REXO1: variants seen among roughly 807,000 people sequenced by gnomAD.
REXO1 encodes the protein REX1, RNA exonuclease 1 homolog.
Under a neutral mutation model 102.6 loss-of-function variants are expected in REXO1, and 42 were observed. The observed-to-expected ratio is 0.41, with a 90% CI of 0.32 to 0.53. The LOEUF (loss-of-function observed/expected upper bound fraction) is 0.53. Among genes scored for constraint, REXO1 ranks in the 20% least tolerant of loss-of-function variants. The probability of loss-of-function intolerance (pLI) is 0.27; values close to 1 mark genes in which losing one functional copy is unlikely to be tolerated. For synonymous variants in REXO1, 908 were observed against 779.1 expected, an observed-to-expected ratio of 1.17 and a Z score of -2.76; for missense variants, 1,819 against 1,732.5, an observed-to-expected ratio of 1.05 and a Z score of -0.89.
intron 8 of REXO1, 26 bp downstream of exon 8, chr19:1,818,992 G>C: frequency 6.3e-7 from 1 of 1,586,512 alleles, no homozygotes; most frequent in African/African-American, 1.3e-5. Context: ...GAAGCACCGT[G>C]TGGCAGAGCA....
At chr19:1,839,550 T>C (rs943406682) in intron 1 of REXO1, among the ~76,000 whole-genome samples, 1 of 152,224 alleles carries the variant, frequency 6.6e-6, no homozygotes, top group African/African-American at 2.4e-5. Context: ...GCACAAGCTG[T>C]TTTTGTTACT....
rs145032743 is a variant in REXO1, at chr19:1,816,384, C to T, written c.3457-39G>A. The T allele has an allele frequency of 1.4e-4, 219 of 1,597,634 alleles. No individual in the cohort carries two copies. The African/African-American group carries it at 2.2e-3, about 16-fold the overall frequency. Reference sequence around the variant, plus strand: ...CAGAGATCAGCGCACGTGGGGCCTGCGCAGGTCCTGCTGGAGAACCGCGCG... The same window carrying T: ...CAGAGATCAGCGCACGTGGGGCCTGTGCAGGTCCTGCTGGAGAACCGCGCG... On this transcript the variant is annotated intron_variant, in intron 14 of 15. Transcript: ENST00000170168.
chr19:1,835,559 C>T (rs1184178169), intron 1 of REXO1, among the ~76,000 whole-genome samples: 1 of 152,120 alleles, frequency 6.6e-6, no homozygotes. Flanking sequence ...CACATACATA[C>T]ATACATACAC....
intron 12 of REXO1, 83 bp downstream of exon 12, chr19:1,817,136 C>CCAGATGGGGT: frequency 7.1e-7 from 1 of 1,405,322 alleles, no homozygotes; most frequent in Non-Finnish European, 9.2e-7. Context: ...TGAGCCAGGC[C>CCAGATGGGGT]CAGATGGGGC....
intron 1 of REXO1, among the ~76,000 whole-genome samples, chr19:1,836,385 GCT>G (rs1180766512): frequency 6.6e-6 from 1 of 152,182 alleles, no homozygotes; most frequent in Non-Finnish European, 1.5e-5. Context: ...AGAGCCGGCA[GCT>G]CCTAGCCCCA....
intron 1 of REXO1, among the ~76,000 whole-genome samples, chr19:1,841,340 G>C (rs753131242): frequency 1.3e-5 from 2 of 152,248 alleles, no homozygotes; most frequent in African/African-American, 2.4e-5. Context: ...AAACCTGCCT[G>C]CTCCTCTCTA....
In REXO1 at chr19:1,827,142, G is replaced by C; in HGVS notation, c.1647C>G (p.Asp549Glu). 6.5e-7 allele frequency: 1 copy of C among 1,542,418 alleles called. No individual in the cohort carries two copies. Among genetic ancestry groups the C allele is most frequent in the South Asian group, 1.2e-5 (1 of 84,012 alleles). ...WPSALPSLSS[D>E]SDSDSDSSLG... is the part of the protein sequence containing the mutation. ...GGCTGGAGTCTGAGTCGGAGTCTGA[G>C]TCCGAGCTGAGGCTGGGGAGGGCAG... The change falls in exon 2 of 16, where the codon GAC becomes GAG. Residue 549 changes from aspartate (D) to glutamate (E), a missense_variant. Asp to Glu is a conservative substitution (Grantham distance 45). Transcript: ENST00000170168.
At chr19:1,821,779 C>T (rs771542090) in intron 4 of REXO1, 97 bp from the exon 5 acceptor site, 11 of 1,126,144 alleles carry the variant, frequency 9.8e-6, no homozygotes, top group Middle Eastern at 2.1e-4. Flanking sequence ...GCCAGCAGCA[C>T]GTGCATCTCC....
rs1221572379 is a variant in REXO1, at chr19:1,815,862, G to C, written c.*204C>G. 1 of 1,523,968 alleles carries C rather than the reference G, an allele frequency of 6.6e-7. No homozygotes were observed. Among genetic ancestry groups the C allele is most frequent in the Non-Finnish European group, 8.8e-7 (1 of 1,139,058 alleles). 94.4% of individuals were successfully genotyped at this position (1,523,968 alleles called of 1,614,324 possible). ...GACGCCAGAGGGCTGGGGGGCAGAG[G>C]GTGGGGACCGGCGGAGGGGTGCGGC... On this transcript the variant is annotated 3_prime_UTR_variant, in exon 16 of 16. Coordinates refer to ENST00000170168, the MANE Select transcript of REXO1 (RefSeq NM_020695.4). The surrounding 1 kb of genome is among the most constrained non-coding windows in gnomAD (Gnocchi z 4.0).
chr19:1,818,765 T>A lies in REXO1; in HGVS notation c.2843A>T (p.His948Leu). The A allele has an allele frequency of 6.2e-7, 1 of 1,610,308 alleles. No homozygotes were observed. Among genetic ancestry groups the A allele is most frequent in the Non-Finnish European group, 8.5e-7 (1 of 1,179,846 alleles). ...QLKENGYPFP[H>L]PERPGGAIIF... is the part of the protein sequence containing the mutation. ...GATTGCGCCCCCGGGCCGCTCTGGG[T>A]GCGGGAAGGGGTAGCCGTTCTCCTT... The change falls in exon 9 of 16, where the codon CAC becomes CTC. Residue 948 changes from histidine to leucine, a missense_variant. By Grantham distance (99) the His-to-Leu change is moderately conservative. Transcript: ENST00000170168.
At position 1,830,324 on chromosome 19, in the gene REXO1, G is replaced by C. The variant is rs187359253; in HGVS notation, c.158-1693C>G. Among the ~76,000 whole-genome samples the C allele has an allele frequency of 2.6e-5, 4 of 152,290 alleles. No individual in the cohort carries two copies. The East Asian group carries it at 5.8e-4, about 22-fold the overall frequency. Reference sequence around the variant, plus strand: ...TCAGGAGTTTAAGACCAGCCTGGATGACACAGATCCCATCTCTTAAAAAAA... The same window carrying C: ...TCAGGAGTTTAAGACCAGCCTGGATCACACAGATCCCATCTCTTAAAAAAA... On this transcript the variant is annotated intron_variant, in intron 1 of 15. Transcript: ENST00000170168.
In REXO1 at chr19:1,817,260, C is replaced by T. The variant is rs183172046; in HGVS notation, c.3160G>A (p.Gly1054Arg). 2.2e-4 allele frequency: 348 copies of T among 1,613,228 alleles called. No homozygotes were observed. Among genetic ancestry groups the T allele is most frequent in the South Asian group, 6.5e-4 (59 of 91,088 alleles). ...GCGTAGATCCCCGGGTGGGTGTCTC[C>T]TGAGAGCTCTTTCTCAAAGGTCTTC... Reference protein sequence around the residue: ...FVKTFEKELSGDTHPGIYALD... With the variant: ...FVKTFEKELSRDTHPGIYALD... The change falls in exon 12 of 16, where the codon GGA becomes AGA. Residue 1054 changes from glycine to arginine, a missense_variant. Gly to Arg is a moderately radical substitution (Grantham distance 125, BLOSUM62 -2). Coordinates refer to ENST00000170168, the MANE Select transcript of REXO1 (RefSeq NM_020695.4).
chr19:1,847,715 G>C (rs1224481869), intron 1 of REXO1, among the ~76,000 whole-genome samples: 1 of 152,324 alleles, frequency 6.6e-6, no homozygotes, highest in Middle Eastern at 3.4e-3. Flanking sequence ...GACGATCCTC[G>C]GACCATCCTA....
chr19:1,847,415 G>A (rs978029579), intron 1 of REXO1, among the ~76,000 whole-genome samples: 3 of 152,186 alleles, frequency 2.0e-5, no homozygotes, highest in Non-Finnish European at 4.4e-5. Flanking sequence ...GGGTGAAGCA[G>A]AGAGCCACTA....
chr19:1,822,841 T>A (rs1476345288), intron 4 of REXO1: 1 of 152,096 alleles, frequency 6.6e-6, no homozygotes, highest in Non-Finnish European at 1.5e-5. Context: ...AGGCAGGGGC[T>A]CCAAACCAGC....
chr19:1,824,571 G>A (rs1221613292), intron 3 of REXO1: 1 of 152,116 alleles, frequency 6.6e-6, no homozygotes, highest in Non-Finnish European at 1.5e-5. Flanking sequence ...CGGAGTTTGA[G>A]GCACTAAAAA....
chr19:1,828,091 T>C lies in REXO1; in HGVS notation c.698A>G (p.Glu233Gly), dbSNP rs753696326. 6.2e-7 allele frequency: 1 copy of C among 1,613,114 alleles called. No individual in the cohort carries two copies. The highest frequency in any genetic ancestry group is 1.1e-5 in the South Asian group (1 of 90,996). The change falls in exon 2 of 16, where the codon GAG (glutamate) becomes GGG (glycine). Residue 233 changes from glutamate (E) to glycine (G), a missense_variant. By Grantham distance (98) the Glu-to-Gly change is moderately conservative. Coordinates refer to ENST00000170168, the MANE Select transcript of REXO1 (RefSeq NM_020695.4). ...CGAGTAGTTGGAGAGAGGGTCATAC[T>C]CCAGGTCTGTGGGTGGCCTGGAGTT... ...VDNSRPPTDL[E>G]YDPLSNYSAR...
At chr19:1,846,037 G>A (rs1012913533) in intron 1 of REXO1, among the ~76,000 whole-genome samples, 1 of 152,206 alleles carries the variant, frequency 6.6e-6, no homozygotes, top group Non-Finnish European at 1.5e-5. Flanking sequence ...CCCCACAGGT[G>A]CTCCAGGGCT....
At chr19:1,836,367 T>C (rs1469292798) in intron 1 of REXO1, among the ~76,000 whole-genome samples, 1 of 152,162 alleles carries the variant, frequency 6.6e-6, no homozygotes, top group East Asian at 1.9e-4. Context: ...GGACACCCAG[T>C]GCCAGCGAGA....
Sources: gnomAD v4.1 joint callset for allele counts (sites outside exome capture counted in the v4.1 genomes callset) on GRCh38, gnomAD v4.1.1 for gene constraint, Gnocchi (gnomAD v3.1) non-coding constraint, MANE v1.5 for transcripts, NCBI Gene and HGNC (gene_info 2026-07-23, HGNC 2026-07-21) for gene names.